The following GFPT1 variants were observed in gnomAD, a reference collection of about 807,000 sequenced individuals.
The protein encoded by GFPT1 is glutamine--fructose-6-phosphate transaminase 1.
Under a neutral mutation model 92.0 loss-of-function variants are expected in GFPT1, and 40 were observed. That is an observed-to-expected ratio of 0.43 (90% CI 0.34 to 0.57). The LOEUF is 0.57. Ranked by LOEUF, GFPT1 falls within the 20% of genes least tolerant of loss-of-function variation. GFPT1 has a pLI of 0.02. For synonymous variants in GFPT1, 269 were observed against 280.6 expected (o/e 0.96, Z 0.41); for missense variants, 448 against 869.1 (o/e 0.52, Z 6.09).
At chr2:69,352,625 A>AC (rs1294656134) in intron 9 of GFPT1, among the ~76,000 whole-genome samples, 2 of 151,186 alleles carry the variant, frequency 1.3e-5, no homozygotes, top group South Asian at 2.1e-4. Context: ...AAAAAAAAAA[A>AC]AAAAAAAAAA....
intron 7 of GFPT1, 66 bp from the exon 8 acceptor site, chr2:69,354,634 T>C (rs1297849504): frequency 7.8e-6 from 7 of 892,266 alleles, no homozygotes; most frequent in Non-Finnish European, 1.1e-5. Context: ...GACATAAAAT[T>C]TAATGGGCCA....
intron 15 of GFPT1, among the ~76,000 whole-genome samples, chr2:69,336,733 G>A (rs1462640839): frequency 6.6e-6 from 1 of 151,638 alleles, no homozygotes; most frequent in Non-Finnish European, 1.5e-5. Flanking sequence ...AGGCTGCAGG[G>A]AGCTATGATT....
chr2:69,354,571 G>A lies in GFPT1; in HGVS notation c.606-3C>T, dbSNP rs1286081479. ...CAATCAACAGAGGGCTACCTCGCCT[G>A]TAAATTGCAAAAGCAGTTAGAATTA... On this transcript the variant is annotated splice_region_variant and splice_polypyrimidine_tract_variant and intron_variant, in intron 7 of 19. Coordinates refer to ENST00000357308, the MANE Select transcript of GFPT1 (RefSeq NM_001244710.2). 7 of 1,593,144 alleles carry A rather than the reference G, an allele frequency of 4.4e-6. No homozygotes were observed. The highest frequency in any genetic ancestry group is 1.1e-5 in the South Asian group (1 of 90,648).
chr2:69,327,215 T>G, intron 18 of GFPT1, 140 bp from the exon 19 acceptor site: 1 of 754,106 alleles, frequency 1.3e-6, no homozygotes, highest in African/African-American at 1.7e-5. Context: ...GTGTAGTAAA[T>G]CTGATTGTTA....
chr2:69,337,526 A>G (rs910311816), intron 15 of GFPT1, among the ~76,000 whole-genome samples: 1 of 152,230 alleles, frequency 6.6e-6, no homozygotes, highest in African/African-American at 2.4e-5. Flanking sequence ...ATTCCAGACT[A>G]TACTTCATAA....
At chr2:69,354,853 A>G (rs1671297557) in intron 7 of GFPT1, among the ~76,000 whole-genome samples, 1 of 152,058 alleles carries the variant, frequency 6.6e-6, no homozygotes, top group Non-Finnish European at 1.5e-5. Context: ...CCCGTCTCCT[A>G]ATTAGCCAGG....
chr2:69,350,186 A>G lies in GFPT1; in HGVS notation c.740-3T>C. ...GCAGCTTCCTTTCTTGTCTTTGCCT[A>G]AAGCATATAGTTAACATGAATTGGC... On this transcript the variant is annotated splice_region_variant and splice_polypyrimidine_tract_variant and intron_variant, in intron 9 of 19. Coordinates refer to ENST00000357308, the MANE Select transcript of GFPT1 (RefSeq NM_001244710.2). The G allele has an allele frequency of 6.3e-7, 1 of 1,595,794 alleles. No individual in the cohort carries two copies. Among genetic ancestry groups the G allele is most frequent in the Non-Finnish European group, 8.6e-7 (1 of 1,163,312 alleles).
In GFPT1 at chr2:69,338,556, C is replaced by T; in HGVS notation, c.1213G>A (p.Val405Ile). ...GGCAACTCAGTCAGCTCCTCAAGAA[C>T]TTGACGTGTCTGCAGAGAAAATATG... ...SYHAGVATRQ[V>I]LEELTELPVM... The change falls in exon 14 of 20, where the codon GTT (valine) becomes ATT (isoleucine). Residue 405 changes from valine (V) to isoleucine (I), a missense_variant. Coordinates refer to ENST00000357308, the MANE Select transcript of GFPT1 (RefSeq NM_001244710.2). 6.2e-7 allele frequency: 1 copy of T among 1,614,020 alleles called. No homozygotes were observed. Among genetic ancestry groups the T allele is most frequent in the Non-Finnish European group, 8.5e-7 (1 of 1,179,878 alleles).
intron 2 of GFPT1, among the ~76,000 whole-genome samples, chr2:69,372,126 G>C (rs1671765252): frequency 6.6e-6 from 1 of 151,054 alleles, no homozygotes; most frequent in South Asian, 2.1e-4. Context: ...CTTGAACTCG[G>C]GAGGTGGAGG....
chr2:69,386,956 T>G, intron 1 of GFPT1, 109 bp downstream of exon 1: 1 of 897,794 alleles, frequency 1.1e-6, no homozygotes, highest in East Asian at 2.7e-5. Flanking sequence ...TCACCCAGAC[T>G]TCGCACCCTC....
chr2:69,355,017 A>G (rs1453766632), intron 7 of GFPT1, among the ~76,000 whole-genome samples: 1 of 151,944 alleles, frequency 6.6e-6, no homozygotes, highest in Non-Finnish European at 1.5e-5. Context: ...AATATTCTCT[A>G]TCAGGGGTCA....
At chr2:69,365,208 C>A (rs1419313191) in intron 3 of GFPT1, among the ~76,000 whole-genome samples, 2 of 151,562 alleles carry the variant, frequency 1.3e-5, no homozygotes, top group East Asian at 4.0e-4. Context: ...CCGAGCACCA[C>A]GGCTCATGCC....
At position 69,359,335 on chromosome 2, in the gene GFPT1, G is replaced by A. The variant is rs758585087; in HGVS notation, c.350-9C>T. 2.0e-6 allele frequency: 3 copies of A among 1,505,068 alleles called. No homozygotes were observed. The highest frequency in any genetic ancestry group is 1.8e-6 in the Non-Finnish European group (2 of 1,082,566). 93.2% of individuals were successfully genotyped at this position (1,505,068 alleles called of 1,614,324 possible). ...GTGAATAACGATAAATTCTAAAAGAGGTAAAAGTGTTGAAGACAAAAAAGT... is the reference window on the plus strand; with the variant it reads ...GTGAATAACGATAAATTCTAAAAGAAGTAAAAGTGTTGAAGACAAAAAAGT... On this transcript the variant is annotated splice_polypyrimidine_tract_variant and intron_variant, in intron 4 of 19. Coordinates refer to ENST00000357308, the MANE Select transcript of GFPT1 (RefSeq NM_001244710.2).
chr2:69,379,739 G>C (rs1167205392), intron 1 of GFPT1, among the ~76,000 whole-genome samples: 1 of 151,522 alleles, frequency 6.6e-6, no homozygotes, highest in Non-Finnish European at 1.5e-5. Flanking sequence ...TTTAATTTTT[G>C]AGATGGAGTT....
intron 3 of GFPT1, among the ~76,000 whole-genome samples, chr2:69,365,649 T>G (rs552355372): frequency 3.9e-5 from 6 of 152,280 alleles, no homozygotes; most frequent in Admixed American, 6.5e-5. Context: ...ACCTTTTTGT[T>G]GGATGGCTCA....
intron 15 of GFPT1, among the ~76,000 whole-genome samples, chr2:69,330,562 T>C (rs1234548968): frequency 2.0e-5 from 3 of 149,528 alleles, no homozygotes; most frequent in Non-Finnish European, 4.4e-5. Context: ...CCCAGTTTTA[T>C]GTTTTAAGTT....
intron 9 of GFPT1, among the ~76,000 whole-genome samples, chr2:69,353,527 C>A (rs1342709373): frequency 6.6e-6 from 1 of 152,038 alleles, no homozygotes; most frequent in African/African-American, 2.4e-5. Flanking sequence ...GAGCAAAACC[C>A]TGGCTAAAAA....
At chr2:69,370,279 G>C (rs1671713026) in intron 2 of GFPT1, among the ~76,000 whole-genome samples, 171 bp from the exon 3 acceptor site, 1 of 152,126 alleles carries the variant, frequency 6.6e-6, no homozygotes, top group Non-Finnish European at 1.5e-5. Context: ...CAGGATAGCT[G>C]CTAGACACAA....
At position 69,322,052 on chromosome 2, in the gene GFPT1, T is replaced by G. The variant is rs924769415; in HGVS notation, c.*4137A>C. On this transcript the variant is annotated 3_prime_UTR_variant, in exon 20 of 20. Transcript: ENST00000357308. ...TCAAGCTAGGAAGATATCAAAATAT[T>G]AACAATCTTCAAGTATAGTGAGAAA... 1.3e-5 allele frequency: 2 copies of G among 152,182 alleles called. No homozygotes were observed. Among genetic ancestry groups the G allele is most frequent in the African/African-American group, 4.8e-5 (2 of 41,444 alleles). The allele number at this position is 152,182 out of a possible 1,614,324, so 9.4% of individuals were successfully genotyped here. A position where few individuals can be genotyped will look rare whatever the true frequency, so the allele number is the denominator to read the frequency against.
Sources: allele counts gnomAD v4.1 joint callset (sites outside exome capture counted in the v4.1 genomes callset), GRCh38; gene constraint gnomAD v4.1.1; transcripts MANE v1.5; gene names NCBI Gene and HGNC (gene_info 2026-07-23, HGNC 2026-07-21).